KIZ: variants seen among roughly 807,000 people sequenced by gnomAD.
The protein encoded by KIZ is kizuna centrosomal protein.
KIZ carries 68 observed loss-of-function variants against 79.6 expected under a neutral mutation model. The ratio of observed to expected loss-of-function variants is 0.85; its 90% confidence interval spans 0.70 to 1.05. The LOEUF is 1.05. Ranked by LOEUF, KIZ falls within the 50% of genes least tolerant of loss-of-function variation. The probability of loss-of-function intolerance (pLI) is 0.00; values close to 1 mark genes in which losing one functional copy is unlikely to be tolerated. For synonymous variants in KIZ, 280 were observed against 281.8 expected (o/e 0.99, Z 0.06); for missense variants, 797 against 800.4 (o/e 1.00, Z 0.05).
chr20:21,152,447 G>C (rs894224423), intron 4 of KIZ, among the ~76,000 whole-genome samples: 1 of 152,096 alleles, frequency 6.6e-6, no homozygotes, highest in Non-Finnish European at 1.5e-5. Context: ...ATAGAAAATT[G>C]GAGGTGCCTT....
intron 4 of KIZ, among the ~76,000 whole-genome samples, chr20:21,146,940 A>G (rs779211769): frequency 1.3e-5 from 2 of 152,224 alleles, no homozygotes; most frequent in Admixed American, 6.5e-5. Context: ...AATGACGTAT[A>G]TGCCATTCGA....
chr20:21,229,615 T>C (rs1439095618), intron 10 of KIZ, among the ~76,000 whole-genome samples: 1 of 152,174 alleles, frequency 6.6e-6, no homozygotes, highest in East Asian at 1.9e-4. Context: ...TCTTGCTCTG[T>C]CTCCCAGGCT....
chr20:21,187,175 A>G (rs2034908382), intron 6 of KIZ, among the ~76,000 whole-genome samples: 1 of 152,256 alleles, frequency 6.6e-6, no homozygotes, highest in African/African-American at 2.4e-5. Flanking sequence ...ACCATTTCAG[A>G]TAAAGGATAC....
At chr20:21,136,340 G>T in intron 2 of KIZ, 50 bp from the exon 3 acceptor site, 1 of 1,056,556 alleles carries the variant, frequency 9.5e-7, no homozygotes, top group Non-Finnish European at 1.4e-6. Flanking sequence ...CCCTTTCTTA[G>T]ATTCGTCCAA....
chr20:21,166,134 TTTTTGTA>T, intron 6 of KIZ: 1 of 896,460 alleles, frequency 1.1e-6, no homozygotes, highest in Non-Finnish European at 1.7e-6. Flanking sequence ...GCTTGGCTAA[TTTTTGTA>T]TTTTGTATTT....
chr20:21,183,821 G>A (rs537253285), intron 6 of KIZ, among the ~76,000 whole-genome samples: 1 of 152,306 alleles, frequency 6.6e-6, no homozygotes, highest in South Asian at 2.1e-4. Flanking sequence ...CCAAGCCTCA[G>A]ATGGTACCAG....
chr20:21,131,409 C>G (rs980057956), intron 1 of KIZ, among the ~76,000 whole-genome samples: 1 of 152,200 alleles, frequency 6.6e-6, no homozygotes, highest in African/African-American at 2.4e-5. Context: ...AAATGATGGT[C>G]TTAGAAGGCC....
chr20:21,214,622 T>G lies in KIZ; in HGVS notation c.1534T>G (p.Ser512Ala), dbSNP rs746431611. ...HSSESSCSLPSILNDNSGIKE... is the reference protein window; with the variant it reads ...HSSESSCSLPAILNDNSGIKE... ...TAGTGAATCATCTTGCAGCTTGCCA[T>G]CTATTCTGAATGACAATAGTGGAAT... Residue 512 changes from serine to alanine, a missense_variant, in exon 8 of 13, where the codon TCT becomes GCT. Coordinates refer to ENST00000619189, the MANE Select transcript of KIZ (RefSeq NM_018474.6). 2 of 1,612,682 alleles carry G rather than the reference T, an allele frequency of 1.2e-6. No individual in the cohort carries two copies. Among genetic ancestry groups the G allele is most frequent in the Non-Finnish European group, 1.7e-6 (2 of 1,178,736 alleles).
chr20:21,203,038 C>A (rs564497496), intron 6 of KIZ, among the ~76,000 whole-genome samples: 1 of 152,278 alleles, frequency 6.6e-6, no homozygotes, highest in South Asian at 2.1e-4. Flanking sequence ...TATCATTTAA[C>A]ATAATCAACA....
intron 4 of KIZ, 148 bp downstream of exon 4, chr20:21,145,802 A>G (rs930586794): frequency 4.3e-5 from 19 of 438,854 alleles, no homozygotes; most frequent in Non-Finnish European, 7.0e-5. Context: ...TGCTTACAGA[A>G]TATTGCTTTA....
At chr20:21,131,622 A>G (rs1179650508) in intron 1 of KIZ, among the ~76,000 whole-genome samples, 2 of 152,086 alleles carry the variant, frequency 1.3e-5, no homozygotes, top group South Asian at 4.2e-4. Context: ...TTATATACTT[A>G]TCTTGTTTAT....
chr20:21,166,401 G>T, intron 6 of KIZ: 1 of 1,598,206 alleles, frequency 6.3e-7, no homozygotes, highest in Non-Finnish European at 8.5e-7. Context: ...TAGCCTGCCT[G>T]TGAGGTTCAC....
At chr20:21,222,704 G>A (rs2036537803) in intron 9 of KIZ, among the ~76,000 whole-genome samples, 1 of 152,142 alleles carries the variant, frequency 6.6e-6, no homozygotes, top group Admixed American at 6.5e-5. Flanking sequence ...GCTTGTGGGA[G>A]TATAAGCCCT....
chr20:21,165,029 T>C (rs954892736), intron 6 of KIZ, among the ~76,000 whole-genome samples: 1 of 152,194 alleles, frequency 6.6e-6, no homozygotes, highest in African/African-American at 2.4e-5. Flanking sequence ...ATTGTTTAAC[T>C]GGCGCTCTTC....
At chr20:21,213,385 G>A (rs1228654557) in intron 7 of KIZ, among the ~76,000 whole-genome samples, 1 of 152,210 alleles carries the variant, frequency 6.6e-6, no homozygotes, top group East Asian at 1.9e-4. Flanking sequence ...TTGTTCACTG[G>A]ATAGTTACAT....
Position 21,162,354 on chromosome 20 carries a change from A to T in KIZ, c.889A>T (p.Ser297Cys). The change falls in exon 5 of 13, where the codon AGC (serine) becomes TGC (cysteine). Residue 297 changes from serine (S) to cysteine (C), a missense_variant. By Grantham distance (112) the Ser-to-Cys change is moderately radical (BLOSUM62 -1). Coordinates refer to ENST00000619189, the MANE Select transcript of KIZ (RefSeq NM_018474.6). ...CACTGATTTAAAGTGTGACAGTTCC[A>T]GCGGATCAGAGGGAGAAATACTGAC... ...RTTDLKCDSSSGSEGEILTRE... is the reference protein window; with the variant it reads ...RTTDLKCDSSCGSEGEILTRE... 6.2e-7 allele frequency: 1 copy of T among 1,613,978 alleles called. No homozygotes were observed. Among genetic ancestry groups the T allele is most frequent in the Non-Finnish European group, 8.5e-7 (1 of 1,179,868 alleles).
intron 2 of KIZ, among the ~76,000 whole-genome samples, chr20:21,135,677 GTT>G (rs1248802502): frequency 6.6e-6 from 1 of 152,214 alleles, no homozygotes; most frequent in Non-Finnish European, 1.5e-5. Context: ...GGGAAGAAGA[GTT>G]AGGATTAACA....
At chr20:21,234,057 C>T (rs1014298861) in intron 11 of KIZ, among the ~76,000 whole-genome samples, 1 of 151,980 alleles carries the variant, frequency 6.6e-6, no homozygotes, top group African/African-American at 2.4e-5. Flanking sequence ...TTTTCAGGGC[C>T]GAATGTTACC....
At chr20:21,137,192 G>A (rs2122384608) in intron 3 of KIZ, among the ~76,000 whole-genome samples, 1 of 152,354 alleles carries the variant, frequency 6.6e-6, no homozygotes, top group African/African-American at 2.4e-5. Context: ...CGAGGAGTTT[G>A]CCTTTATGCT....
Sources: gnomAD v4.1 joint callset for allele counts (sites outside exome capture counted in the v4.1 genomes callset) on GRCh38, gnomAD v4.1.1 for gene constraint, MANE v1.5 for transcripts, NCBI Gene and HGNC (gene_info 2026-07-23, HGNC 2026-07-21) for gene names.